Variants in CNTN1 observed in about 807,000 individuals in gnomAD.
The protein encoded by CNTN1 is contactin-1.
A neutral mutation model predicts 126.4 loss-of-function variants in CNTN1; 38 were observed. The observed-to-expected ratio is 0.30, with a 90% CI of 0.23 to 0.39. The LOEUF (loss-of-function observed/expected upper bound fraction) is 0.39. CNTN1 is among the 10% of genes least tolerant of loss of function. CNTN1 has a pLI of 1.00. For missense variants in CNTN1, 1,009 were observed against 1,248.4 expected, an observed-to-expected ratio of 0.81 and a Z score of 2.89; for synonymous variants, 413 against 422.6, an observed-to-expected ratio of 0.98 and a Z score of 0.28.
At chr12:40,826,105 T>C (rs1247561760) in intron 1 of CNTN1, among the ~76,000 whole-genome samples, 2 of 152,210 alleles carry the variant, frequency 1.3e-5, no homozygotes, top group Non-Finnish European at 2.9e-5. Flanking sequence ...GAAACTGAAA[T>C]TTCTAATTCT....
intron 14 of CNTN1, among the ~76,000 whole-genome samples, chr12:40,949,977 GA>G (rs1227123421): frequency 6.6e-6 from 1 of 151,930 alleles, no homozygotes; most frequent in Non-Finnish European, 1.5e-5. Flanking sequence ...GATTCGAGCC[GA>G]AAAAAATTAG....
intron 1 of CNTN1, among the ~76,000 whole-genome samples, chr12:40,888,224 C>A (rs1237998368): frequency 2.0e-5 from 3 of 151,674 alleles, no homozygotes; most frequent in Non-Finnish European, 4.4e-5. Flanking sequence ...TATTAATAAC[C>A]CGATTAATTT....
Position 40,993,415 on chromosome 12 carries a change from T to C in CNTN1, c.2113+146T>C, listed in dbSNP as rs796977931. The C allele has an allele frequency of 8.1e-5, 53 of 650,430 alleles. No individual in the cohort carries two copies. The African/African-American group carries it at 9.3e-4, about 11-fold the overall frequency. The allele number at this position is 650,430 out of a possible 1,614,324, so 40.3% of individuals were successfully genotyped here. A position where few individuals can be genotyped will look rare whatever the true frequency, so the allele number is the denominator to read the frequency against. The stretch of plus-strand genomic sequence containing the variant: ...TGTGTGTATTTCACTATCAAGACAG[T>C]CAAAAATCAAAAGAGGAAATATGAA... On this transcript the variant is annotated intron_variant, in intron 17 of 23. Transcript: ENST00000551295.
chr12:40,700,953 A>G (rs1023227048), intron 1 of CNTN1, among the ~76,000 whole-genome samples: 1 of 152,228 alleles, frequency 6.6e-6, no homozygotes, highest in Non-Finnish European at 1.5e-5. Flanking sequence ...GATTTTGCAG[A>G]TCAGGGAAGT....
chr12:41,021,175 G>T (rs559301502), intron 20 of CNTN1, among the ~76,000 whole-genome samples: 1 of 152,180 alleles, frequency 6.6e-6, no homozygotes, highest in Non-Finnish European at 1.5e-5. Context: ...ATGAGCAAAT[G>T]GATACCAAAG....
rs1950168988 is a variant in CNTN1 at position 41,072,152 on chromosome 12, CTG to C, written c.*2119_*2120del. On this transcript the variant is annotated 3_prime_UTR_variant, in exon 24 of 24. Transcript: ENST00000551295. ...TTTAACTGGGACCATCAGTTTTAAACTGTTGTCAAGCTAACTAATAATCATCT... is the reference window on the plus strand; with the variant it reads ...TTTAACTGGGACCATCAGTTTTAAACTTGTCAAGCTAACTAATAATCATCT... The C allele has an allele frequency of 6.6e-6, 1 of 152,192 alleles. No homozygotes were observed. Among genetic ancestry groups the C allele is most frequent in the African/African-American group, 2.4e-5 (1 of 41,446 alleles). The allele number at this position is 152,192 out of a possible 1,614,324, so 9.4% of individuals were successfully genotyped here.
chr12:40,887,835 T>A (rs2136716082), intron 1 of CNTN1, among the ~76,000 whole-genome samples: 1 of 152,044 alleles, frequency 6.6e-6, no homozygotes, highest in Non-Finnish European at 1.5e-5. Flanking sequence ...TATGCAGCCA[T>A]AAAAAATGAT....
chr12:40,830,795 A>G (rs1251264438), intron 1 of CNTN1, among the ~76,000 whole-genome samples: 2,473 of 20,598 alleles, frequency 0.12, 88 homozygotes, highest in Middle Eastern at 0.21. Context: ...TATAGTGTAT[A>G]TATATATATA....
chr12:40,858,137 A>T (rs1942979119), intron 1 of CNTN1, among the ~76,000 whole-genome samples: 1 of 152,028 alleles, frequency 6.6e-6, no homozygotes, highest in African/African-American at 2.4e-5. Context: ...TAAGGTCCTG[A>T]TTTCTTGCTG....
intron 1 of CNTN1, among the ~76,000 whole-genome samples, chr12:40,826,280 ACTT>A (rs950546953): frequency 5.3e-5 from 8 of 152,098 alleles, no homozygotes; most frequent in East Asian, 1.9e-4. Context: ...AATTGATAAA[ACTT>A]CTGTGATTTT....
At chr12:40,860,467 C>G (rs1347873589) in intron 1 of CNTN1, among the ~76,000 whole-genome samples, 1 of 152,080 alleles carries the variant, frequency 6.6e-6, no homozygotes, top group Non-Finnish European at 1.5e-5. Flanking sequence ...GATTGCCCCC[C>G]ACTTCAGATG....
intron 1 of CNTN1, among the ~76,000 whole-genome samples, chr12:40,701,252 T>A (rs1418174685): frequency 6.6e-6 from 1 of 152,220 alleles, no homozygotes; most frequent in Non-Finnish European, 1.5e-5. Context: ...CTACAGTAAT[T>A]TACATGGTGC....
intron 1 of CNTN1, among the ~76,000 whole-genome samples, chr12:40,723,326 A>G (rs1388285614): frequency 2.0e-5 from 3 of 152,226 alleles, no homozygotes; most frequent in Non-Finnish European, 4.4e-5. Flanking sequence ...TTCATCTCTA[A>G]TAACTAAAGT....
intron 1 of CNTN1, among the ~76,000 whole-genome samples, chr12:40,871,079 A>G (rs1330423845): frequency 2.0e-5 from 3 of 151,822 alleles, no homozygotes; most frequent in Non-Finnish European, 2.9e-5. Flanking sequence ...TCCCTGGAAT[A>G]ATCCTAACTA....
chr12:40,872,571 C>CTTTTTTTTTTTTTTTTTTTT (rs35866838), intron 1 of CNTN1, among the ~76,000 whole-genome samples: 1 of 108,638 alleles, frequency 9.2e-6, no homozygotes, highest in Non-Finnish European at 1.8e-5. Context: ...TTTTTTCTTT[C>CTTTTTTTTTTTTTTTTTTTT]TTTTTTTTTT....
chr12:40,809,518 A>AAT (rs150881007), intron 1 of CNTN1, among the ~76,000 whole-genome samples: 3,564 of 151,964 alleles, frequency 0.023, 125 homozygotes, highest in African/African-American at 0.077. Flanking sequence ...GAATGGAAAG[A>AAT]ATATATATAT....
At chr12:40,823,276 A>G (rs190549633) in intron 1 of CNTN1, among the ~76,000 whole-genome samples, 7 of 152,270 alleles carry the variant, frequency 4.6e-5, no homozygotes, top group African/African-American at 1.4e-4. Context: ...ATTTGAGAAA[A>G]AACATTCTGT....
intron 15 of CNTN1, among the ~76,000 whole-genome samples, chr12:40,971,123 T>A (rs562738604): frequency 2.0e-5 from 3 of 152,330 alleles, no homozygotes; most frequent in Admixed American, 2.0e-4. Flanking sequence ...CTCTGTGGAA[T>A]GAAATTTACA....
intron 1 of CNTN1, among the ~76,000 whole-genome samples, chr12:40,840,459 CA>C (rs1466394124): frequency 6.6e-6 from 1 of 151,946 alleles, no homozygotes; most frequent in Non-Finnish European, 1.5e-5. Context: ...AGCAAAGAAA[CA>C]TTGGATTTAA....
Sources: allele counts gnomAD v4.1 joint callset (sites outside exome capture counted in the v4.1 genomes callset), GRCh38; gene constraint gnomAD v4.1.1; transcripts MANE v1.5; gene names NCBI Gene and HGNC (gene_info 2026-07-23, HGNC 2026-07-21).